TMEM132D: variants seen among roughly 807,000 people sequenced by gnomAD.
TMEM132D encodes mature OL transmembrane protein.
TMEM132D carries 21 observed loss-of-function variants against 62.3 expected under a neutral mutation model. The ratio of observed to expected loss-of-function variants is 0.34; its 90% CI spans 0.24 to 0.49. The LOEUF (loss-of-function observed/expected upper bound fraction) is 0.49. TMEM132D is among the 20% of genes least tolerant of loss of function. The probability of loss-of-function intolerance (pLI) is 0.99; values close to 1 mark genes in which losing one functional copy is unlikely to be tolerated. For missense variants in TMEM132D, 1,346 were observed against 1,402.8 expected (o/e 0.96, Z 0.65); for synonymous variants, 621 against 575.6 (o/e 1.08, Z -1.13).
rs564438469 is a variant in TMEM132D, at chr12:129,359,264, G to A, written c.1116-21447C>T. Among the ~76,000 whole-genome samples the A allele has an allele frequency of 4.6e-5, 7 of 152,218 alleles. No homozygotes were observed. In the East Asian group the frequency reaches 5.8e-4, roughly 13 times the overall value. On this transcript the variant is annotated intron_variant, in intron 3 of 8. Coordinates refer to ENST00000422113, the MANE Select transcript of TMEM132D (RefSeq NM_133448.3). ...AAAGTATATTTAGAGGGGCTGGGCC[G>A]GGGGACAATAGAGTTATTGCTGATG...
intron 3 of TMEM132D, among the ~76,000 whole-genome samples, chr12:129,365,991 C>G (rs1354704698): frequency 6.6e-6 from 1 of 152,034 alleles, no homozygotes; most frequent in Non-Finnish European, 1.5e-5. Flanking sequence ...TCAGAGGGAA[C>G]TTCCCTAAAC....
intron 1 of TMEM132D, among the ~76,000 whole-genome samples, chr12:129,807,600 T>C (rs1872034443): frequency 6.6e-6 from 1 of 152,210 alleles, no homozygotes; most frequent in Non-Finnish European, 1.5e-5. Flanking sequence ...TGATTTAATA[T>C]GTGTATTTTT....
intron 3 of TMEM132D, among the ~76,000 whole-genome samples, chr12:129,495,446 G>A (rs1422673585): frequency 6.6e-6 from 1 of 152,140 alleles, no homozygotes; most frequent in South Asian, 2.1e-4. Context: ...TTACACAGCA[G>A]ATGGGATTTT....
intron 2 of TMEM132D, among the ~76,000 whole-genome samples, chr12:129,614,905 G>T (rs920872519): frequency 3.7e-4 from 56 of 152,104 alleles, no homozygotes; most frequent in African/African-American, 1.2e-3. Flanking sequence ...ACCTCTCTTT[G>T]CCCTGAGAAT....
At chr12:129,386,054 A>T (rs2135690425) in intron 3 of TMEM132D, among the ~76,000 whole-genome samples, 1 of 152,230 alleles carries the variant, frequency 6.6e-6, no homozygotes, top group Middle Eastern at 3.4e-3. Flanking sequence ...TGGGACAGTC[A>T]CTTTCCTGCT....
intron 5 of TMEM132D, among the ~76,000 whole-genome samples, chr12:129,198,064 G>A (rs1164986329): frequency 2.0e-5 from 3 of 152,144 alleles, no homozygotes; most frequent in African/African-American, 4.8e-5. Context: ...ACGGAATGAA[G>A]ATTAAAACCA....
intron 5 of TMEM132D, among the ~76,000 whole-genome samples, chr12:129,200,849 G>A (rs1007584160): frequency 3.9e-5 from 6 of 152,150 alleles, no homozygotes; most frequent in Non-Finnish European, 8.8e-5. Context: ...TTTTCCACTC[G>A]TCTCTTCCTC....
intron 4 of TMEM132D, among the ~76,000 whole-genome samples, chr12:129,292,312 C>T (rs1401987060): frequency 6.6e-6 from 1 of 152,188 alleles, no homozygotes; most frequent in Non-Finnish European, 1.5e-5. Flanking sequence ...AGCAGAGAAA[C>T]AATGGAAGAA....
chr12:129,442,287 G>A (rs1174569300), intron 3 of TMEM132D, among the ~76,000 whole-genome samples: 5 of 152,156 alleles, frequency 3.3e-5, no homozygotes, highest in African/African-American at 1.2e-4. Context: ...TGTGGAGAAG[G>A]GATATGTGAG....
At chr12:129,153,457 T>C (rs1023528597) in intron 5 of TMEM132D, among the ~76,000 whole-genome samples, 16 of 151,964 alleles carry the variant, frequency 1.1e-4, no homozygotes, top group African/African-American at 3.6e-4. Context: ...TCTCGGTGTT[T>C]GGGTCATCGT....
At chr12:129,820,149 G>A (rs373924631) in intron 1 of TMEM132D, among the ~76,000 whole-genome samples, 3 of 152,260 alleles carry the variant, frequency 2.0e-5, no homozygotes, top group African/African-American at 7.2e-5. Flanking sequence ...CCATAGCAGA[G>A]ACCAAGTCCC....
At chr12:129,806,629 C>T (rs1871991838) in intron 1 of TMEM132D, among the ~76,000 whole-genome samples, 1 of 150,806 alleles carries the variant, frequency 6.6e-6, no homozygotes, top group South Asian at 2.1e-4. Flanking sequence ...ACCAGCATGG[C>T]ACATGTATAC....
At chr12:129,380,131 T>A (rs956455249) in intron 3 of TMEM132D, among the ~76,000 whole-genome samples, 1 of 152,206 alleles carries the variant, frequency 6.6e-6, no homozygotes, top group Non-Finnish European at 1.5e-5. Context: ...TTATTATTGA[T>A]GGCATTTTAG....
At chr12:129,606,560 C>T (rs1366691741) in intron 2 of TMEM132D, among the ~76,000 whole-genome samples, 1 of 152,106 alleles carries the variant, frequency 6.6e-6, no homozygotes, top group Admixed American at 6.6e-5. Context: ...CCAGGCTGGA[C>T]AAGATGAACC....
chr12:129,532,626 G>A (rs1248228485), intron 2 of TMEM132D, among the ~76,000 whole-genome samples: 1 of 152,178 alleles, frequency 6.6e-6, no homozygotes, highest in African/African-American at 2.4e-5. Flanking sequence ...TTGGATTTGG[G>A]GAGCGTTCCC....
At chr12:129,537,102 G>A (rs1360396679) in intron 2 of TMEM132D, among the ~76,000 whole-genome samples, 1 of 144,216 alleles carries the variant, frequency 6.9e-6, no homozygotes, top group Non-Finnish European at 1.5e-5. Flanking sequence ...AGAGGTTGCG[G>A]TGAGCCGAGA....
intron 2 of TMEM132D, among the ~76,000 whole-genome samples, chr12:129,664,449 G>C (rs1880322648): frequency 9.9e-6 from 1 of 101,040 alleles, no homozygotes; most frequent in African/African-American, 3.7e-5. Context: ...TTTTGAGACA[G>C]AGTCTTGCTT....
chr12:129,496,022 G>A (rs902039292), intron 3 of TMEM132D, among the ~76,000 whole-genome samples: 5 of 152,174 alleles, frequency 3.3e-5, no homozygotes, highest in African/African-American at 4.8e-5. Flanking sequence ...AGAGAACCTC[G>A]CACCCTTTTT....
At chr12:129,619,843 TA>T (rs1233376191) in intron 2 of TMEM132D, among the ~76,000 whole-genome samples, 1 of 152,208 alleles carries the variant, frequency 6.6e-6, no homozygotes. Context: ...AGAAATAGTT[TA>T]AAAGGACATT....
Sources: gnomAD v4.1 joint callset for allele counts (sites outside exome capture counted in the v4.1 genomes callset) on GRCh38, gnomAD v4.1.1 for gene constraint, MANE v1.5 for transcripts, NCBI Gene and HGNC (gene_info 2026-07-23, HGNC 2026-07-21) for gene names.